Variants in KIAA0825 observed in about 807,000 individuals in gnomAD.
The protein encoded by KIAA0825 is KIAA0825, also known as uncharacterized protein KIAA0825.
KIAA0825 carries 119 observed loss-of-function variants against 147.6 expected under a neutral mutation model. That is an observed-to-expected ratio of 0.81 (90% CI 0.69 to 0.94). The LOEUF (loss-of-function observed/expected upper bound fraction) is 0.94, where lower values mean the gene tolerates loss of function less well. Ranked by LOEUF, KIAA0825 falls within the 40% of genes least tolerant of loss-of-function variation. KIAA0825 has a pLI of 0.00. For missense variants in KIAA0825, 1,381 were observed against 1,472.7 expected (o/e 0.94, Z 1.02); for synonymous variants, 470 against 518.1 (o/e 0.91, Z 1.26).
chr5:94,328,606 A>G (rs1345541046), intron 20 of KIAA0825, among the ~76,000 whole-genome samples: 1 of 152,108 alleles, frequency 6.6e-6, no homozygotes, highest in Non-Finnish European at 1.5e-5. Context: ...AATTTTTACT[A>G]TATTATTTAC....
At chr5:94,154,175 C>G in intron 20 of KIAA0825, 51 bp from the exon 21 acceptor site, 1 of 1,111,472 alleles carries the variant, frequency 9.0e-7, no homozygotes, top group South Asian at 1.3e-5. Flanking sequence ...AACCACAGGT[C>G]AACACTCAGT....
chr5:94,402,483 T>G (rs1314521986), intron 16 of KIAA0825, among the ~76,000 whole-genome samples: 15 of 151,952 alleles, frequency 9.9e-5, no homozygotes, highest in Non-Finnish European at 1.5e-5. Context: ...CTTTACTAGA[T>G]TCAAAGGGAG....
intron 20 of KIAA0825, among the ~76,000 whole-genome samples, chr5:94,188,495 C>A (rs527527430): frequency 6.6e-6 from 1 of 152,180 alleles, no homozygotes; most frequent in East Asian, 1.9e-4. Flanking sequence ...TATAGTTTTG[C>A]TTTTTCTAGA....
intron 12 of KIAA0825, among the ~76,000 whole-genome samples, chr5:94,460,200 T>C (rs762384271): frequency 4.5e-4 from 69 of 152,266 alleles, no homozygotes; most frequent in Non-Finnish European, 7.8e-4. Context: ...ACTGCCTTTA[T>C]GAAAGAAATA....
At chr5:94,380,815 G>A (rs73773653) in intron 20 of KIAA0825, among the ~76,000 whole-genome samples, 2 of 152,176 alleles carry the variant, frequency 1.3e-5, no homozygotes, top group Non-Finnish European at 1.5e-5. Context: ...ATCATGAATC[G>A]GAAGGAGATG....
chr5:94,581,924 C>T (rs1782260241), intron 2 of KIAA0825, among the ~76,000 whole-genome samples: 1 of 152,202 alleles, frequency 6.6e-6, no homozygotes, highest in African/African-American at 2.4e-5. Context: ...GAACTTGTCA[C>T]AGTTCCCTTT....
chr5:94,439,711 G>A (rs1283727845), intron 14 of KIAA0825, among the ~76,000 whole-genome samples: 3 of 152,080 alleles, frequency 2.0e-5, no homozygotes, highest in Non-Finnish European at 2.9e-5. Context: ...TTCAAACCCT[G>A]CGTATTGATA....
At chr5:94,184,824 T>C (rs1310594665) in intron 20 of KIAA0825, among the ~76,000 whole-genome samples, 1 of 152,210 alleles carries the variant, frequency 6.6e-6, no homozygotes, top group Admixed American at 6.5e-5. Flanking sequence ...CTTAAGTTTG[T>C]ACCTTCTGTA....
At chr5:94,201,059 C>A (rs1771635668) in intron 20 of KIAA0825, among the ~76,000 whole-genome samples, 1 of 145,396 alleles carries the variant, frequency 6.9e-6, no homozygotes, top group South Asian at 2.2e-4. Context: ...GTAGCAGTAT[C>A]TGCATAAAAA....
chr5:94,359,262 T>A (rs963929389), intron 20 of KIAA0825, among the ~76,000 whole-genome samples: 2 of 152,220 alleles, frequency 1.3e-5, no homozygotes, highest in Non-Finnish European at 2.9e-5. Context: ...CTGGGCATTT[T>A]AAAAAATCTC....
chr5:94,454,340 T>A lies in KIAA0825; in HGVS notation c.2247-1271A>T, dbSNP rs74807193. On this transcript the variant is annotated intron_variant, in intron 12 of 20. Coordinates refer to ENST00000682413, the MANE Select transcript of KIAA0825 (RefSeq NM_001145678.3). ...TTTCCATTTTGAAAATCCACCTTTA[T>A]CTTTTCACTCCACATCTTGCTTCTT... Among the ~76,000 whole-genome samples the A allele has an allele frequency of 1.6e-3, 243 of 152,336 alleles. 1 individual carries two copies. The highest frequency in any genetic ancestry group is 5.7e-3 in the African/African-American group (237 of 41,570).
rs185864811 is a variant in KIAA0825, at chr5:94,357,948, G to A, written c.3710+26420C>T. 2.1e-3 allele frequency among the ~76,000 whole-genome samples: 315 copies of A among 149,248 alleles called. 2 individuals are homozygous for A. The highest frequency in any genetic ancestry group is 7.6e-3 in the African/African-American group (307 of 40,470). The stretch of plus-strand genomic sequence containing the variant: ...AAAAAGCTTTCCTCAATGACATTTC[G>A]TAGTATCAACTTTAAGAATGCTAAT... On this transcript the variant is annotated intron_variant, in intron 20 of 20. Coordinates refer to ENST00000682413, the MANE Select transcript of KIAA0825 (RefSeq NM_001145678.3).
At chr5:94,369,812 G>C (rs1746405118) in intron 20 of KIAA0825, among the ~76,000 whole-genome samples, 1 of 152,132 alleles carries the variant, frequency 6.6e-6, no homozygotes, top group Non-Finnish European at 1.5e-5. Context: ...CCAGGGAGAG[G>C]ATAGGGGAAA....
chr5:94,415,836 TC>T (rs745503844), intron 15 of KIAA0825: 10 of 152,202 alleles, frequency 6.6e-5, no homozygotes, highest in Non-Finnish European at 1.3e-4. Context: ...ATTTATATCT[TC>T]TAGGTTATTT....
At chr5:94,533,450 T>C (rs555182597) in intron 3 of KIAA0825, among the ~76,000 whole-genome samples, 27 of 151,766 alleles carry the variant, frequency 1.8e-4, no homozygotes, top group Non-Finnish European at 3.2e-4. Context: ...CTGATTTTTG[T>C]ATTCTTAGTA....
At chr5:94,433,710 A>G (rs977577619) in intron 14 of KIAA0825, among the ~76,000 whole-genome samples, 4 of 152,248 alleles carry the variant, frequency 2.6e-5, no homozygotes, top group African/African-American at 4.8e-5. Flanking sequence ...CGAGGTTTCA[A>G]TAAGTAAACA....
chr5:94,249,548 G>C (rs1775832430), intron 20 of KIAA0825, among the ~76,000 whole-genome samples: 1 of 152,070 alleles, frequency 6.6e-6, no homozygotes, highest in Non-Finnish European at 1.5e-5. Context: ...CACCCAGGTT[G>C]CATGCCCATG....
In KIAA0825 at chr5:94,182,480, G is replaced by A. The variant is rs553216397; in HGVS notation, c.3711-28356C>T. Among the ~76,000 whole-genome samples, 8 of 150,970 alleles carry A rather than the reference G, an allele frequency of 5.3e-5. No homozygotes were observed. In the East Asian group the frequency reaches 5.9e-4, roughly 11 times the overall value. On this transcript the variant is annotated intron_variant, in intron 20 of 20. Transcript: ENST00000682413. Reference sequence around the variant, plus strand: ...TCACCATGTTGGCCAGGCTGGTTTCGAATTTCTGACCTCAGGTGATCCACC... The same window carrying A: ...TCACCATGTTGGCCAGGCTGGTTTCAAATTTCTGACCTCAGGTGATCCACC...
At chr5:94,594,653 G>GA (rs1784948528) in intron 1 of KIAA0825, 3 of 625,322 alleles carry the variant, frequency 4.8e-6, no homozygotes, top group East Asian at 3.2e-5. Context: ...AATCTTCTAT[G>GA]AAAAAATGAC....
Sources: allele counts gnomAD v4.1 joint callset (sites outside exome capture counted in the v4.1 genomes callset), GRCh38; gene constraint gnomAD v4.1.1; transcripts MANE v1.5; gene names NCBI Gene and HGNC (gene_info 2026-07-23, HGNC 2026-07-21).